Variants in BOP1 observed in about 807,000 individuals in gnomAD.
BOP1 encodes ribosome biogenesis protein BOP1.
In BOP1, 54 loss-of-function variants were observed where a neutral mutation model predicts 82.9. The observed-to-expected ratio is 0.65, with a 90% CI of 0.52 to 0.82. BOP1 has a LOEUF of 0.82. BOP1 is among the 40% of genes least tolerant of loss of function. The pLI is 0.00. For synonymous variants in BOP1, 566 were observed against 451.1 expected (o/e 1.25, Z -3.23); for missense variants, 1,170 against 1,072.0 (o/e 1.09, Z -1.28).
chr8:144,271,752 C>T (rs1021394137), intron 3 of BOP1, among the ~76,000 whole-genome samples: 1 of 152,098 alleles, frequency 6.6e-6, no homozygotes, highest in African/African-American at 2.4e-5. Context: ...CTGAGCGAAC[C>T]CCCAGCCCAA....
chr8:144,269,467 C>T (rs1345340779), intron 3 of BOP1, among the ~76,000 whole-genome samples: 2 of 152,264 alleles, frequency 1.3e-5, no homozygotes, highest in African/African-American at 4.8e-5. Flanking sequence ...ACTGCCCCTC[C>T]TCTGCAAAGA....
chr8:144,291,404 C>A lies in BOP1; in HGVS notation c.-34G>T. On this transcript the variant is annotated 5_prime_UTR_variant, in exon 1 of 16. Transcript: ENST00000569669. The surrounding 1 kb of genome is among the most constrained non-coding windows in gnomAD (Gnocchi z 4.1). ...GCGCGCCGGCCGCCACCCGCACAGCCGCTTCCGACAGCGACCGGGCCGCGT... is the reference window on the plus strand; with the variant it reads ...GCGCGCCGGCCGCCACCCGCACAGCAGCTTCCGACAGCGACCGGGCCGCGT... 8.7e-7 allele frequency: 1 copy of A among 1,142,942 alleles called. No homozygotes were observed. The highest frequency in any genetic ancestry group is 1.1e-6 in the Non-Finnish European group (1 of 932,852). The allele number at this position is 1,142,942 out of a possible 1,614,324, so 70.8% of individuals were successfully genotyped here. A position where few individuals can be genotyped will look rare whatever the true frequency, so the allele number is the denominator to read the frequency against.
chr8:144,262,766 C>A, intron 13 of BOP1, 87 bp downstream of exon 13: 1 of 1,461,410 alleles, frequency 6.8e-7, no homozygotes, highest in Non-Finnish European at 9.2e-7. Flanking sequence ...GCAGGGTGCA[C>A]TGCCCCTACC....
At chr8:144,290,832 G>A (rs971243035) in intron 1 of BOP1, among the ~76,000 whole-genome samples, 5 of 152,238 alleles carry the variant, frequency 3.3e-5, no homozygotes, top group African/African-American at 1.2e-4. Flanking sequence ...GGCTGAGCTA[G>A]CAGAGAGCAA....
chr8:144,267,194 G>C (rs1845393768), intron 3 of BOP1: 1 of 1,503,556 alleles, frequency 6.7e-7, no homozygotes, highest in Non-Finnish European at 8.8e-7. Flanking sequence ...AGCACGGGCC[G>C]TGGGGCGCCG....
intron 2 of BOP1, among the ~76,000 whole-genome samples, chr8:144,284,823 T>C (rs1588607854): frequency 6.6e-6 from 1 of 152,176 alleles, no homozygotes; most frequent in South Asian, 2.1e-4. Context: ...GCTAAAGGCC[T>C]GAGGGCAGAA....
intron 3 of BOP1, among the ~76,000 whole-genome samples, chr8:144,267,825 C>T (rs1354116268): frequency 6.6e-6 from 1 of 152,218 alleles, no homozygotes; most frequent in African/African-American, 2.4e-5. Context: ...GCAGGGTGAG[C>T]AGGGAGAAAA....
rs1303437149 is a variant in BOP1 at position 144,264,113 on chromosome 8, G to T, written c.1008C>A (p.Gly336=). 1.2e-6 allele frequency: 2 copies of T among 1,610,072 alleles called. No individual in the cohort carries two copies. The highest frequency in any genetic ancestry group is 1.3e-5 in the African/African-American group (1 of 74,890). The change falls in exon 8 of 16, where the codon GGC becomes GGA. Residue 336 remains glycine (G), a synonymous_variant. Transcript: ENST00000569669. ...ERLAWEQQEP[G]ERKLSFLPRK... Reference sequence around the variant, plus strand: ...GTGGCAAAAAGCTCAGCTTCCTCTCGCCTGGCTCCTGCTGTTCCCACGCCA... The same window carrying T: ...GTGGCAAAAAGCTCAGCTTCCTCTCTCCTGGCTCCTGCTGTTCCCACGCCA...
In BOP1 at chr8:144,264,407, C is replaced by T; in HGVS notation, c.796G>A (p.Gly266Ser). 2 of 1,602,652 alleles carry T rather than the reference C, an allele frequency of 1.2e-6. No individual in the cohort carries two copies. Among genetic ancestry groups the T allele is most frequent in the Non-Finnish European group, 8.5e-7 (1 of 1,179,654 alleles). The change falls in exon 7 of 16, where the codon GGC becomes AGC. Residue 266 changes from glycine to serine, a missense_variant. Gly to Ser is a moderately conservative substitution (Grantham distance 56, BLOSUM62 0). Transcript: ENST00000569669. ...CGGGGCCGGCGAGGCTGGATCCAGC[C>T]CATCTTGATGGCGTGCACCATGCGA... The part of the protein sequence containing the change: ...VSRMVHAIKM[G>S]WIQPRRPRDP...
intron 3 of BOP1, chr8:144,268,276 TGCGAGCGGG>T: frequency 1.5e-6 from 2 of 1,345,104 alleles, no homozygotes; most frequent in Non-Finnish European, 2.0e-6. Flanking sequence ...CAGCCCTGGC[TGCGAGCGGG>T]GCCGAGGGAC....
intron 3 of BOP1, among the ~76,000 whole-genome samples, chr8:144,275,304 G>A (rs1845551577): frequency 6.6e-6 from 1 of 152,166 alleles, no homozygotes; most frequent in African/African-American, 2.4e-5. Context: ...AGGCCACACT[G>A]AGGAGGGTAT....
chr8:144,287,885 G>A (rs181482771), intron 2 of BOP1, among the ~76,000 whole-genome samples: 72 of 152,216 alleles, frequency 4.7e-4, no homozygotes, highest in Non-Finnish European at 7.8e-4. Context: ...CTTCTATCAC[G>A]GGGACCTCTG....
At chr8:144,273,142 T>C (rs1845518576) in intron 3 of BOP1, among the ~76,000 whole-genome samples, 1 of 152,080 alleles carries the variant, frequency 6.6e-6, no homozygotes, top group African/African-American at 2.4e-5. Flanking sequence ...GACGCAAGCC[T>C]GAGTGCGCGG....
Position 144,263,715 on chromosome 8 carries a change from G to A in BOP1, c.1268C>T (p.Pro423Leu). 1.9e-6 allele frequency: 3 copies of A among 1,574,872 alleles called. No individual in the cohort carries two copies. The highest frequency in any genetic ancestry group is 2.3e-5 in the East Asian group (1 of 42,720). The change falls in exon 10 of 16, where the codon CCT becomes CTT. Residue 423 changes from proline to leucine, a missense_variant. By Grantham distance (98) the Pro-to-Leu change is moderately conservative (BLOSUM62 -3). Transcript: ENST00000569669. Reference protein sequence around the residue: ...SDLVRCLSVSPGGQWLVSGSD... With the variant: ...SDLVRCLSVSLGGQWLVSGSD... Reference sequence around the variant, plus strand: ...ACCTGAAACCAGCCACTGGCCCCCAGGAGAGACACTGAGGCACCGGACAAG... The same window carrying A: ...ACCTGAAACCAGCCACTGGCCCCCAAGAGAGACACTGAGGCACCGGACAAG...
In BOP1 at chr8:144,264,312, C is replaced by T. The variant is rs1845306004; in HGVS notation, c.891G>A (p.Lys297=). Residue 297 remains lysine (K), a synonymous_variant, in exon 7 of 16, where the codon AAG becomes AAA. Coordinates refer to ENST00000569669, the MANE Select transcript of BOP1 (RefSeq NM_015201.5). ...EDPNAVLGRH[K]MHVPAPKLAL... is the part of the protein sequence containing the mutation. ...CCAGCTTGGGAGCAGGTACGTGCATCTTGTGGCGCCCGAGCACGGCGTTGG... is the reference window on the plus strand; with the variant it reads ...CCAGCTTGGGAGCAGGTACGTGCATTTTGTGGCGCCCGAGCACGGCGTTGG... 6.2e-7 allele frequency: 1 copy of T among 1,610,720 alleles called. No individual in the cohort carries two copies. The highest frequency in any genetic ancestry group is 8.5e-7 in the Non-Finnish European group (1 of 1,179,570).
chr8:144,277,673 G>A (rs1311830203), intron 2 of BOP1, among the ~76,000 whole-genome samples: 3 of 152,262 alleles, frequency 2.0e-5, no homozygotes, highest in African/African-American at 4.8e-5. Context: ...CTGGGCAGGG[G>A]GCAGAGGTGG....
At chr8:144,269,291 G>T (rs1845451300) in intron 3 of BOP1, among the ~76,000 whole-genome samples, 1 of 152,258 alleles carries the variant, frequency 6.6e-6, no homozygotes. Flanking sequence ...AACCCTGCCA[G>T]GCCACAGCCT....
chr8:144,277,682 G>A (rs1221281638), intron 2 of BOP1, among the ~76,000 whole-genome samples: 1 of 152,240 alleles, frequency 6.6e-6, no homozygotes, highest in Non-Finnish European at 1.5e-5. Flanking sequence ...GGGCAGAGGT[G>A]GCCTTCGAAG....
At chr8:144,290,365 A>AAAAGG (rs1815013323) in intron 1 of BOP1, among the ~76,000 whole-genome samples, 1 of 151,938 alleles carries the variant, frequency 6.6e-6, no homozygotes, top group East Asian at 1.9e-4. Flanking sequence ...AAAAAGAAAG[A>AAAAGG]AAAGGAAAAG....
Sources: gnomAD v4.1 joint callset for allele counts (sites outside exome capture counted in the v4.1 genomes callset) on GRCh38, gnomAD v4.1.1 for gene constraint, Gnocchi (gnomAD v3.1) non-coding constraint, MANE v1.5 for transcripts, NCBI Gene and HGNC (gene_info 2026-07-23, HGNC 2026-07-21) for gene names.